The following SFI1 variants were observed in gnomAD, a reference collection of about 807,000 sequenced individuals.
SFI1 encodes the protein protein SFI1 homolog.
A neutral mutation model predicts 207.5 loss-of-function variants in SFI1; 195 were observed. That is an observed-to-expected ratio of 0.94 (90% CI 0.84 to 1.06). SFI1 has a LOEUF of 1.06. SFI1 is among the 50% of genes least tolerant of loss of function. The pLI is 0.00. For synonymous variants in SFI1, 630 were observed against 598.9 expected (o/e 1.05, Z -0.76); for missense variants, 1,634 against 1,588.0 (o/e 1.03, Z -0.49).
chr22:31,523,375 A>G (rs1214813164), intron 2 of SFI1, among the ~76,000 whole-genome samples: 4 of 152,206 alleles, frequency 2.6e-5, no homozygotes, highest in African/African-American at 9.6e-5. Context: ...GTTATGTTTT[A>G]GAAATTAGAA....
intron 16 of SFI1, 99 bp downstream of exon 16, chr22:31,602,392 C>A: frequency 1.6e-6 from 2 of 1,267,178 alleles, no homozygotes; most frequent in Non-Finnish European, 2.3e-6. Flanking sequence ...TCGGACCTCA[C>A]TGGAGGGCCC....
intron 15 of SFI1, among the ~76,000 whole-genome samples, chr22:31,594,041 T>G (rs1056504340): frequency 4.7e-5 from 7 of 149,268 alleles, no homozygotes; most frequent in African/African-American, 1.8e-4. Flanking sequence ...GTGTCCATCT[T>G]TATTTCAAGG....
intron 4 of SFI1, among the ~76,000 whole-genome samples, chr22:31,535,174 CTTTTTTATTGCT>C (rs2058861924): frequency 7.1e-6 from 1 of 140,584 alleles, no homozygotes; most frequent in South Asian, 2.3e-4. Flanking sequence ...GCCTCAAATG[CTTTTTTATTGCT>C]TTTTTTTTTT....
chr22:31,523,061 T>A (rs372695677), intron 2 of SFI1, among the ~76,000 whole-genome samples: 1 of 152,218 alleles, frequency 6.6e-6, no homozygotes, highest in East Asian at 1.9e-4. Context: ...TTGGCTATTG[T>A]GAATTATGCT....
intron 16 of SFI1, 50 bp from the exon 17 acceptor site, chr22:31,602,557 C>G: frequency 1.9e-6 from 3 of 1,590,954 alleles, no homozygotes; most frequent in South Asian, 2.2e-5. Flanking sequence ...GGCTTCTGTG[C>G]CTCTCTCCTA....
intron 6 of SFI1, among the ~76,000 whole-genome samples, chr22:31,554,659 C>G (rs535975397): frequency 2.7e-5 from 4 of 148,462 alleles, no homozygotes; most frequent in Non-Finnish European, 5.9e-5. Flanking sequence ...GGATGGAGTG[C>G]AGAGTGGCGT....
chr22:31,557,183 G>A, intron 7 of SFI1, 124 bp downstream of exon 7: 1 of 677,820 alleles, frequency 1.5e-6, no homozygotes, highest in Non-Finnish European at 2.4e-6. Flanking sequence ...TTATTTTTGT[G>A]TTTTGTTTTT....
chr22:31,593,980 A>AGG (rs1569421573), intron 15 of SFI1, among the ~76,000 whole-genome samples: 1,256 of 94,112 alleles, frequency 0.013, 16 homozygotes, highest in African/African-American at 0.015. Context: ...CCATGGGGAG[A>AGG]CGGAGACGAG....
At chr22:31,578,309 A>T (rs1004498137) in intron 10 of SFI1, 73 bp from the exon 11 acceptor site, 19 of 1,434,462 alleles carry the variant, frequency 1.3e-5, no homozygotes, top group Non-Finnish European at 1.7e-5. Flanking sequence ...CGGCCCTTCA[A>T]GGTGGCTTGC....
Position 31,580,126 on chromosome 22 carries a change from A to G in SFI1, c.1156-146A>G, listed in dbSNP as rs904700192. 10 of 606,418 alleles carry G rather than the reference A, an allele frequency of 1.6e-5. No individual in the cohort carries two copies. In the Admixed American group the frequency reaches 2.7e-4, roughly 17 times the overall value. 37.6% of individuals were successfully genotyped at this position (606,418 alleles called of 1,614,324 possible). ...CCCAGTTGAATCTCAAAGCAGAGAA[A>G]CACTCAGGGAGATGGAACAGCTACA... On this transcript the variant is annotated intron_variant, in intron 11 of 32. Transcript: ENST00000400288.
rs570324724 is a variant in SFI1 at position 31,580,350 on chromosome 22, C to T, written c.1234C>T (p.Gln412Ter). 6.2e-7 allele frequency: 1 copy of T among 1,613,692 alleles called. No individual in the cohort carries two copies. Among genetic ancestry groups the T allele is most frequent in the African/African-American group, 1.3e-5 (1 of 75,018 alleles). The change falls in exon 12 of 33, where the codon CAG becomes TAG. Residue 412 changes from glutamine (Q) to a stop codon, truncating the protein, a stop_gained. Transcript: ENST00000400288. LOFTEE classifies it high-confidence loss of function. Reference sequence around the variant, plus strand: ...AATAAGAAGGAATCTTGCTCACCAGCAGCATGGTGTCACGGTGAGGGTTGT... The same window carrying T: ...AATAAGAAGGAATCTTGCTCACCAGTAGCATGGTGTCACGGTGAGGGTTGT... ...QQIRRNLAHQ[Q>*]HGVTLLHRFW... is the part of the protein sequence containing the mutation.
chr22:31,549,585 G>A (rs1310040049), intron 5 of SFI1, among the ~76,000 whole-genome samples: 2 of 151,702 alleles, frequency 1.3e-5, no homozygotes, highest in Admixed American at 6.6e-5. Flanking sequence ...GGCTGGTCTC[G>A]AACTCCCAAC....
rs145708640 is a variant in SFI1 at position 31,555,007 on chromosome 22, A to G, written c.545-1935A>G. Among the ~76,000 whole-genome samples the G allele has an allele frequency of 3.9e-5, 6 of 152,154 alleles. No homozygotes were observed. In the East Asian group the frequency reaches 7.7e-4, roughly 20 times the overall value. The stretch of plus-strand genomic sequence containing the variant: ...CTGTTAAGGATTTCTAGTTTATTCT[A>G]TTATTGTCAGAGAACAAGACTTAGT... On this transcript the variant is annotated intron_variant, in intron 6 of 32. Transcript: ENST00000400288.
intron 8 of SFI1, among the ~76,000 whole-genome samples, chr22:31,568,660 G>A (rs1475084818): frequency 6.6e-6 from 1 of 151,570 alleles, no homozygotes; most frequent in African/African-American, 2.4e-5. Context: ...TTAGAGAAAT[G>A]GCTGATTATA....
At chr22:31,611,874 C>A (rs766340299) in intron 24 of SFI1, 34 bp downstream of exon 24, 3 of 1,611,808 alleles carry the variant, frequency 1.9e-6, no homozygotes, top group Non-Finnish European at 2.5e-6. Flanking sequence ...TCTGCACTTC[C>A]TTCTCCATCC....
intron 2 of SFI1, among the ~76,000 whole-genome samples, chr22:31,514,017 C>G (rs1230074669): frequency 6.6e-6 from 1 of 151,686 alleles, no homozygotes; most frequent in Non-Finnish European, 1.5e-5. Flanking sequence ...TACTATAATT[C>G]CAGCTACTCG....
intron 11 of SFI1, 151 bp downstream of exon 11, chr22:31,578,603 T>C: frequency 1.6e-6 from 1 of 624,592 alleles, no homozygotes; most frequent in South Asian, 2.3e-5. Flanking sequence ...TGGGTGTCCT[T>C]CTTTTCATTT....
At chr22:31,520,820 A>AC (rs548897688) in intron 2 of SFI1, among the ~76,000 whole-genome samples, 104 of 149,888 alleles carry the variant, frequency 6.9e-4, no homozygotes, top group Non-Finnish European at 1.3e-3. Context: ...ACATAGTAAG[A>AC]CCCCGTCTCT....
intron 4 of SFI1, 88 bp downstream of exon 4, chr22:31,531,217 C>A: frequency 9.2e-7 from 1 of 1,084,318 alleles, no homozygotes. Flanking sequence ...TTCATTATGG[C>A]TTGTGCTGTT....
Sources: allele counts gnomAD v4.1 joint callset (sites outside exome capture counted in the v4.1 genomes callset), GRCh38; gene constraint gnomAD v4.1.1; transcripts MANE v1.5; gene names NCBI Gene and HGNC (gene_info 2026-07-23, HGNC 2026-07-21).